The following ZNF165 variants were observed in gnomAD, a reference collection of about 807,000 sequenced individuals.
ZNF165 encodes zinc finger protein 165, also known as cancer/testis antigen 53.
A neutral mutation model predicts 19.6 loss-of-function variants in ZNF165; 14 were observed. That is an observed-to-expected ratio of 0.71 (90% confidence interval 0.47 to 1.12). The LOEUF (loss-of-function observed/expected upper bound fraction) is 1.12, where lower values mean the gene tolerates loss of function less well. ZNF165 is among the 50% of genes most tolerant of loss of function. ZNF165 has a pLI of 0.00. For synonymous variants in ZNF165, 165 were observed against 195.0 expected, an observed-to-expected ratio of 0.85 and a Z score of 1.28; for missense variants, 504 against 566.3, an observed-to-expected ratio of 0.89 and a Z score of 1.12.
rs1426353217 is a variant in ZNF165 at position 28,086,257 on chromosome 6, T to C, written c.497T>C (p.Val166Ala). 2 of 1,614,098 alleles carry C rather than the reference T, an allele frequency of 1.2e-6. No homozygotes were observed. The highest frequency in any genetic ancestry group is 3.3e-5 in the Admixed American group (2 of 59,998). ...GCACTTAATGTCAAGTTACAGCCAG[T>C]GGAGACCAAGGCCCATTTTGATTCA... Reference protein sequence around the residue: ...GPALNVKLQPVETKAHFDSSE... With the variant: ...GPALNVKLQPAETKAHFDSSE... The change falls in exon 3 of 4, where the codon GTG (valine) becomes GCG (alanine). Residue 166 changes from valine to alanine, a missense_variant. By Grantham distance (64) the Val-to-Ala change is moderately conservative. Coordinates refer to ENST00000683778, the MANE Select transcript of ZNF165 (RefSeq NM_001376491.1).
intron 3 of ZNF165, among the ~76,000 whole-genome samples, chr6:28,088,279 C>T (rs1764331571): frequency 6.6e-6 from 1 of 152,194 alleles, no homozygotes; most frequent in East Asian, 1.9e-4. Context: ...TCTCCGTACT[C>T]TATCTCCCCC....
At position 28,088,974 on chromosome 6, in the gene ZNF165, A is replaced by C. The variant is rs760544427; in HGVS notation, c.962A>C (p.Gln321Pro). ...ATTTATGCTGGAGAAAAAAATCACC[A>C]ATATGGAAAATCTTTCAAGAGCCCA... ...QIIYAGEKNH[Q>P]YGKSFKSPKL... is the part of the protein sequence containing the mutation. Residue 321 changes from glutamine (Q) to proline (P), a missense_variant, in exon 4 of 4, where the codon CAA (glutamine) becomes CCA (proline). By Grantham distance (76) the Gln-to-Pro change is moderately conservative. Coordinates refer to ENST00000683778, the MANE Select transcript of ZNF165 (RefSeq NM_001376491.1). The C allele has an allele frequency of 1.2e-6, 2 of 1,614,210 alleles. No homozygotes were observed. The highest frequency in any genetic ancestry group is 1.7e-6 in the Non-Finnish European group (2 of 1,180,026).
In ZNF165 at chr6:28,089,413, G is replaced by A; in HGVS notation, c.1401G>A (p.Gln467=). ...GTGAGTGTGGAAGAGCCTTCAGTCA[G>A]AGCTCAAACCTTAGTCAACACCAGA... is the stretch of plus-strand genomic sequence containing the variant. The part of the protein sequence containing the change: ...ECSECGRAFS[Q]SSNLSQHQRI... The change falls in exon 4 of 4, where the codon CAG becomes CAA. Residue 467 remains glutamine, a synonymous_variant. Coordinates refer to ENST00000683778, the MANE Select transcript of ZNF165 (RefSeq NM_001376491.1). 1 of 1,613,832 alleles carries A rather than the reference G, an allele frequency of 6.2e-7. No homozygotes were observed. Among genetic ancestry groups the A allele is most frequent in the Admixed American group, 1.7e-5 (1 of 60,002 alleles).
chr6:28,089,027 A>C lies in ZNF165; in HGVS notation c.1015A>C (p.Ser339Arg). 3 of 1,614,236 alleles carry C rather than the reference A, an allele frequency of 1.9e-6. No homozygotes were observed. The highest frequency in any genetic ancestry group is 2.5e-6 in the Non-Finnish European group (3 of 1,180,038). Reference sequence around the variant, plus strand: ...ACTTGCTAAACATGCAGCAGTTTTCAGTGGAGATAAAACTCATCAGTGTAA... The same window carrying C: ...ACTTGCTAAACATGCAGCAGTTTTCCGTGGAGATAAAACTCATCAGTGTAA... Reference protein sequence around the residue: ...PKLAKHAAVFSGDKTHQCNEC... With the variant: ...PKLAKHAAVFRGDKTHQCNEC... Residue 339 changes from serine to arginine, a missense_variant, in exon 4 of 4, where the codon AGT (serine) becomes CGT (arginine). Physicochemically the swap from Ser to Arg is moderately radical, Grantham distance 110. Transcript: ENST00000683778.
chr6:28,089,008 T>C lies in ZNF165; in HGVS notation c.996T>C (p.Ala332=), dbSNP rs1205757170. The C allele has an allele frequency of 3.1e-6, 5 of 1,614,088 alleles. No individual in the cohort carries two copies. Among genetic ancestry groups the C allele is most frequent in the Non-Finnish European group, 4.2e-6 (5 of 1,180,046 alleles). Residue 332 remains alanine (A), a synonymous_variant, in exon 4 of 4, where the codon GCT becomes GCC. Coordinates refer to ENST00000683778, the MANE Select transcript of ZNF165 (RefSeq NM_001376491.1). ...AATCTTTCAAGAGCCCAAAACTTGCTAAACATGCAGCAGTTTTCAGTGGAG... is the reference window on the plus strand; with the variant it reads ...AATCTTTCAAGAGCCCAAAACTTGCCAAACATGCAGCAGTTTTCAGTGGAG... ...YGKSFKSPKL[A]KHAAVFSGDK...
In ZNF165 at chr6:28,089,041, T is replaced by C. The variant is rs1458574740; in HGVS notation, c.1029T>C (p.Thr343=). 2 of 1,614,168 alleles carry C rather than the reference T, an allele frequency of 1.2e-6. No individual in the cohort carries two copies. The highest frequency in any genetic ancestry group is 1.7e-6 in the Non-Finnish European group (2 of 1,180,016). Residue 343 remains threonine, a synonymous_variant, in exon 4 of 4, where the codon ACT becomes ACC. Transcript: ENST00000683778. ...KHAAVFSGDK[T]HQCNECGKAF... The stretch of plus-strand genomic sequence containing the variant: ...CAGCAGTTTTCAGTGGAGATAAAAC[T>C]CATCAGTGTAATGAATGTGGGAAAG...
intron 2 of ZNF165, 111 bp downstream of exon 2, chr6:28,086,002 A>G: frequency 6.6e-7 from 1 of 1,507,514 alleles, no homozygotes; most frequent in Non-Finnish European, 8.9e-7. Context: ...TTCAGTGTGC[A>G]TTTATGTCTC....
Position 28,089,206 on chromosome 6 carries a change from AC to A in ZNF165, c.1197del (p.Phe400LeufsTer12). The stretch of plus-strand genomic sequence containing the variant: ...ATCGGCGAATTCACACTGGGGAAAG[AC>A]CCTTTGGTTGCAAAGAATGTGGGAG... ...RHRRIHTGERPFGCKECGRAF... is the reference protein window; with the variant it reads ...RHRRIHTGERXFGCKECGRAF... On this transcript the variant is annotated frameshift_variant, in exon 4 of 4. Coordinates refer to ENST00000683778, the MANE Select transcript of ZNF165 (RefSeq NM_001376491.1). LOFTEE classifies it low-confidence loss of function (END_TRUNC). The A allele has an allele frequency of 6.2e-7, 1 of 1,614,164 alleles. No homozygotes were observed. Among genetic ancestry groups the A allele is most frequent in the Non-Finnish European group, 8.5e-7 (1 of 1,180,018 alleles).
intron 1 of ZNF165, 40 bp from the exon 2 acceptor site, chr6:28,085,441 C>A (rs1335634717): frequency 6.3e-7 from 1 of 1,578,528 alleles, no homozygotes; most frequent in African/African-American, 1.4e-5. Flanking sequence ...CTAAAGAAGA[C>A]CCTTTCCAAA....
Position 28,086,173 on chromosome 6 carries a change from T to C in ZNF165, c.413T>C (p.Val138Ala), listed in dbSNP as rs1430607193. The part of the protein sequence containing the change: ...ERGTDEAVLQ[V>A]QAHEHGQEIF... Reference sequence around the variant, plus strand: ...CCAAATGTACTTTATTTTTCTCAGGTTCAAGCCCATGAACATGGACAAGAA... The same window carrying C: ...CCAAATGTACTTTATTTTTCTCAGGCTCAAGCCCATGAACATGGACAAGAA... The change falls in exon 3 of 4, where the codon GTT becomes GCT. Residue 138 changes from valine (V) to alanine (A), a missense_variant and splice_region_variant. Coordinates refer to ENST00000683778, the MANE Select transcript of ZNF165 (RefSeq NM_001376491.1). 2 of 1,613,228 alleles carry C rather than the reference T, an allele frequency of 1.2e-6. No homozygotes were observed. Among genetic ancestry groups the C allele is most frequent in the Non-Finnish European group, 1.7e-6 (2 of 1,179,678 alleles).
chr6:28,087,983 A>G (rs1259894079), intron 3 of ZNF165, among the ~76,000 whole-genome samples: 1 of 152,204 alleles, frequency 6.6e-6, no homozygotes, highest in Admixed American at 6.5e-5. Flanking sequence ...GTTCGAGACT[A>G]TGGCGATGGT....
chr6:28,081,387 C>G (rs1423771160), intron 1 of ZNF165: 1 of 152,220 alleles, frequency 6.6e-6, no homozygotes, highest in East Asian at 1.9e-4. Context: ...CCCTGCTTCC[C>G]TTGGGAAGAG....
chr6:28,086,116 A>G, intron 2 of ZNF165, 56 bp from the exon 3 acceptor site: 1 of 1,564,528 alleles, frequency 6.4e-7, no homozygotes, highest in Admixed American at 2.0e-5. Context: ...TTGTTGTTAG[A>G]AGACGTTTAA....
In ZNF165 at chr6:28,089,139, A is replaced by G; in HGVS notation, c.1127A>G (p.Glu376Gly). 6.2e-7 allele frequency: 1 copy of G among 1,614,194 alleles called. No individual in the cohort carries two copies. The highest frequency in any genetic ancestry group is 8.5e-7 in the Non-Finnish European group (1 of 1,180,020). ...GGAGAGAGATGCTATGAATGTAATGAATGTGGGAAAAGCTTTGCAGAGAGC... is the reference window on the plus strand; with the variant it reads ...GGAGAGAGATGCTATGAATGTAATGGATGTGGGAAAAGCTTTGCAGAGAGC... Reference protein sequence around the residue: ...HTGERCYECNECGKSFAESSD... With the variant: ...HTGERCYECNGCGKSFAESSD... Residue 376 changes from glutamate (E) to glycine (G), a missense_variant, in exon 4 of 4, where the codon GAA (glutamate) becomes GGA (glycine). Glu to Gly is a moderately conservative substitution (Grantham distance 98). Transcript: ENST00000683778.
chr6:28,085,532 G>A lies in ZNF165; in HGVS notation c.52G>A (p.Gly18Arg). The change falls in exon 2 of 4, where the codon GGA becomes AGA. Residue 18 changes from glycine to arginine, a missense_variant. Coordinates refer to ENST00000683778, the MANE Select transcript of ZNF165 (RefSeq NM_001376491.1). ...AAAQNSPEDE[G>R]LLIVKIEEEE... is the part of the protein sequence containing the mutation. ...AGCCCAGAACTCTCCAGAGGATGAA[G>A]GACTTCTGATAGTGAAGATAGAAGA... is the stretch of plus-strand genomic sequence containing the variant. The A allele has an allele frequency of 1.2e-6, 2 of 1,614,238 alleles. No homozygotes were observed. Among genetic ancestry groups the A allele is most frequent in the Non-Finnish European group, 1.7e-6 (2 of 1,180,042 alleles).
chr6:28,087,643 A>G (rs955682164), intron 3 of ZNF165, among the ~76,000 whole-genome samples: 1 of 152,176 alleles, frequency 6.6e-6, no homozygotes, highest in African/African-American at 2.4e-5. Context: ...CCCTCACCCC[A>G]TGAACAGCAC....
chr6:28,086,452 G>A, intron 3 of ZNF165, 142 bp downstream of exon 3: 2 of 1,265,278 alleles, frequency 1.6e-6, no homozygotes, highest in East Asian at 2.6e-5. Context: ...CAGGTGCGGT[G>A]GCTCACTCCT....
intron 1 of ZNF165, chr6:28,081,626 C>A (rs1421608643): frequency 6.6e-6 from 1 of 152,184 alleles, no homozygotes; most frequent in African/African-American, 2.4e-5. Context: ...TCTCCACCAA[C>A]AAAACTCTCA....
chr6:28,089,181 A>G lies in ZNF165; in HGVS notation c.1169A>G (p.His390Arg), dbSNP rs1321095785. The change falls in exon 4 of 4, where the codon CAT becomes CGT. Residue 390 changes from histidine to arginine, a missense_variant. Physicochemically the swap from His to Arg is conservative, Grantham distance 29. Transcript: ENST00000683778. ...GCAGAGAGCTCAGATCTTACTAGAC[A>G]TCGGCGAATTCACACTGGGGAAAGA... ...SFAESSDLTR[H>R]RRIHTGERPF... 3 of 1,614,238 alleles carry G rather than the reference A, an allele frequency of 1.9e-6. No individual in the cohort carries two copies. The highest frequency in any genetic ancestry group is 2.2e-5 in the South Asian group (2 of 91,088).
Sources: gnomAD v4.1 joint callset for allele counts (sites outside exome capture counted in the v4.1 genomes callset) on GRCh38, gnomAD v4.1.1 for gene constraint, MANE v1.5 for transcripts, NCBI Gene and HGNC (gene_info 2026-07-23, HGNC 2026-07-21) for gene names.